Variants in ANKFN1 observed in about 807,000 individuals in gnomAD.
ANKFN1 encodes ankyrin repeat and fibronectin type III domain containing 1.
Under a neutral mutation model 108.7 loss-of-function variants are expected in ANKFN1, and 74 were observed. The ratio of observed to expected loss-of-function variants is 0.68; its 90% CI spans 0.56 to 0.83. ANKFN1 has a LOEUF of 0.83. ANKFN1 is among the 40% of genes least tolerant of loss of function. ANKFN1 has a pLI of 0.00. For synonymous variants in ANKFN1, 547 were observed against 516.2 expected (o/e 1.06, Z -0.81); for missense variants, 1,505 against 1,382.3 (o/e 1.09, Z -1.41).
chr17:56,381,678 G>A (rs2047109290), intron 8 of ANKFN1, among the ~76,000 whole-genome samples: 1 of 152,322 alleles, frequency 6.6e-6, no homozygotes, highest in Admixed American at 6.5e-5. Flanking sequence ...CTGGAAGAAA[G>A]GGTATCAGTG....
intron 3 of ANKFN1, among the ~76,000 whole-genome samples, chr17:56,308,095 G>T (rs1302197229): frequency 6.6e-6 from 1 of 152,118 alleles, no homozygotes; most frequent in Non-Finnish European, 1.5e-5. Flanking sequence ...TGTGGGATCG[G>T]GGGAGTGGGG....
At chr17:56,204,814 G>A (rs1414479894) in intron 1 of ANKFN1, among the ~76,000 whole-genome samples, 2 of 152,010 alleles carry the variant, frequency 1.3e-5, no homozygotes, top group Admixed American at 6.5e-5. Context: ...GGTGGCTCAC[G>A]CCCGTAATCC....
At chr17:56,176,370 G>T (rs928154951) in intron 1 of ANKFN1, among the ~76,000 whole-genome samples, 1 of 152,162 alleles carries the variant, frequency 6.6e-6, no homozygotes. Context: ...GGTGATCCCT[G>T]TAATAAATAC....
intron 8 of ANKFN1, among the ~76,000 whole-genome samples, chr17:56,407,076 A>G (rs751550370): frequency 3.9e-5 from 6 of 152,200 alleles, no homozygotes; most frequent in Non-Finnish European, 8.8e-5. Context: ...GGGGTTCCAA[A>G]AATAAACATT....
chr17:56,247,311 A>G (rs1918031945), intron 3 of ANKFN1, among the ~76,000 whole-genome samples: 1 of 152,192 alleles, frequency 6.6e-6, no homozygotes, highest in South Asian at 2.1e-4. Flanking sequence ...AATGTATAGT[A>G]TACAAAAATA....
intron 8 of ANKFN1, among the ~76,000 whole-genome samples, chr17:56,422,786 T>G (rs183660378): frequency 1.3e-5 from 2 of 151,814 alleles, no homozygotes; most frequent in African/African-American, 4.9e-5. Flanking sequence ...GTTTTAGCAT[T>G]TTCCACTAAA....
intron 14 of ANKFN1, 119 bp downstream of exon 14, chr17:56,458,098 G>A (rs939040485): frequency 5.3e-5 from 42 of 798,402 alleles, no homozygotes; most frequent in Non-Finnish European, 7.3e-5. Context: ...AGACCCCTAA[G>A]AATATGAAGT....
intron 4 of ANKFN1, among the ~76,000 whole-genome samples, chr17:56,147,859 T>C (rs1908356853): frequency 1.3e-5 from 2 of 152,206 alleles, no homozygotes; most frequent in Non-Finnish European, 1.5e-5. Context: ...CAAGTTAAGA[T>C]AAAAATCTCA....
intron 20 of ANKFN1, among the ~76,000 whole-genome samples, chr17:56,508,460 C>T (rs772397029): frequency 4.6e-5 from 7 of 152,158 alleles, no homozygotes; most frequent in Non-Finnish European, 8.8e-5. Flanking sequence ...TCCAGCCCCC[C>T]ACAATTTTAA....
At position 56,123,732 on chromosome 17, in the gene ANKFN1, C is replaced by G. The variant is rs375874556; in HGVS notation, c.288+77407C>G. On this transcript the variant is annotated intron_variant, in intron 4 of 12. Transcript: ENST00000635860. The stretch of plus-strand genomic sequence containing the variant: ...CTTGCTGCTCATGGATTAACAAACT[C>G]AAGTTTGTTTTTTTCTAAAGGCCTT... Among the ~76,000 whole-genome samples, 3 of 151,874 alleles carry G rather than the reference C, an allele frequency of 2.0e-5. No homozygotes were observed. In the East Asian group the frequency reaches 5.8e-4, roughly 29 times the overall value.
intron 4 of ANKFN1, among the ~76,000 whole-genome samples, chr17:56,065,640 A>G (rs1297905342): frequency 6.6e-6 from 1 of 152,192 alleles, no homozygotes; most frequent in African/African-American, 2.4e-5. Flanking sequence ...AGGGAATAAG[A>G]AGGCCCAAAG....
intron 1 of ANKFN1, among the ~76,000 whole-genome samples, chr17:56,153,775 G>T (rs539914807): frequency 6.6e-6 from 1 of 152,280 alleles, no homozygotes; most frequent in Admixed American, 6.5e-5. Context: ...GGAGATTAAA[G>T]GAGAGAGGCT....
At chr17:56,356,028 G>A (rs1045253985) in intron 6 of ANKFN1, among the ~76,000 whole-genome samples, 1 of 152,108 alleles carries the variant, frequency 6.6e-6, no homozygotes, top group South Asian at 2.1e-4. Context: ...GACATTTCAT[G>A]TAACAGAATT....
At position 56,510,868 on chromosome 17, in the gene ANKFN1, C is replaced by T. The variant is rs2051732974; in HGVS notation, c.3040C>T (p.His1014Tyr). 10 of 1,536,016 alleles carry T rather than the reference C, an allele frequency of 6.5e-6. No homozygotes were observed. Among genetic ancestry groups the T allele is most frequent in the Admixed American group, 2.0e-5 (1 of 50,960 alleles). Residue 1014 changes from histidine (H) to tyrosine (Y), a missense_variant, in exon 21 of 21, where the codon CAT (histidine) becomes TAT (tyrosine). Physicochemically the swap from His to Tyr is moderately conservative, Grantham distance 83 (BLOSUM62 2). Coordinates refer to ENST00000682825, the MANE Select transcript of ANKFN1 (RefSeq NM_001370326.1). ...KHPHYGGFSR[H>Y]HRWLRIHSET... ...CCCCCACTATGGCGGCTTCAGCCGCCATCATCGCTGGTTGCGCATCCACAG... is the reference window on the plus strand; with the variant it reads ...CCCCCACTATGGCGGCTTCAGCCGCTATCATCGCTGGTTGCGCATCCACAG...
At chr17:56,400,661 C>G (rs1365037953) in intron 8 of ANKFN1, among the ~76,000 whole-genome samples, 2 of 152,084 alleles carry the variant, frequency 1.3e-5, no homozygotes, top group Admixed American at 6.6e-5. Context: ...GAAATCTTGC[C>G]TAAGCAATGT....
At chr17:56,138,819 C>T (rs1288172931) in intron 4 of ANKFN1, among the ~76,000 whole-genome samples, 1 of 152,028 alleles carries the variant, frequency 6.6e-6, no homozygotes, top group Non-Finnish European at 1.5e-5. Context: ...CCACAACACT[C>T]AACTTCTATT....
chr17:56,444,819 T>A (rs7208145), intron 10 of ANKFN1, among the ~76,000 whole-genome samples: 3 of 152,000 alleles, frequency 2.0e-5, no homozygotes, highest in Non-Finnish European at 2.9e-5. Context: ...GGTACATGGC[T>A]GAACCAGGAC....
chr17:56,360,513 C>T (rs189094225), intron 6 of ANKFN1, among the ~76,000 whole-genome samples: 7 of 152,228 alleles, frequency 4.6e-5, no homozygotes, highest in Non-Finnish European at 1.5e-5. Flanking sequence ...TTTTCATCTC[C>T]TCTGCAATAG....
chr17:56,338,600 A>G (rs1179557873), intron 4 of ANKFN1, among the ~76,000 whole-genome samples: 1 of 151,700 alleles, frequency 6.6e-6, no homozygotes, highest in Non-Finnish European at 1.5e-5. Context: ...AAAGGACTCT[A>G]TATTTATTTT....
Sources: gnomAD v4.1 joint callset for allele counts (sites outside exome capture counted in the v4.1 genomes callset) on GRCh38, gnomAD v4.1.1 for gene constraint, MANE v1.5 for transcripts, NCBI Gene and HGNC (gene_info 2026-07-23, HGNC 2026-07-21) for gene names.